Variants in SSC5D observed in about 807,000 individuals in gnomAD.
SSC5D encodes soluble scavenger receptor cysteine-rich domain-containing protein SSC5D.
SSC5D carries 106 observed loss-of-function variants against 104.6 expected under a neutral mutation model. That is an observed-to-expected ratio of 1.01 (90% confidence interval 0.87 to 1.19). The LOEUF (loss-of-function observed/expected upper bound fraction) is 1.19, where lower values mean the gene tolerates loss of function less well. Among genes scored for constraint, SSC5D ranks in the 50% most tolerant of loss-of-function variants. The pLI, the probability that SSC5D is intolerant of heterozygous loss-of-function variation, is 0.00. For missense variants in SSC5D, 1,993 were observed against 2,153.8 expected (o/e 0.93, Z 1.48); for synonymous variants, 860 against 883.5 (o/e 0.97, Z 0.47).
chr19:55,504,225 G>C (rs1403015855), intron 12 of SSC5D: 1 of 1,530,716 alleles, frequency 6.5e-7, no homozygotes, highest in Non-Finnish European at 8.7e-7. Context: ...GGCACGTGCC[G>C]GGCACAGCGG....
At chr19:55,497,796 G>A (rs1030945787) in intron 8 of SSC5D, 84 bp from the exon 9 acceptor site, 3 of 1,305,196 alleles carry the variant, frequency 2.3e-6, no homozygotes, top group African/African-American at 1.6e-5. Flanking sequence ...TGGAAAGGAA[G>A]ATGGGGGGAG....
rs1300261613 is a variant in SSC5D, at chr19:55,501,032, A to G, written c.2618-2A>G. 1 of 1,551,742 alleles carries G rather than the reference A, an allele frequency of 6.4e-7. No individual in the cohort carries two copies. The highest frequency in any genetic ancestry group is 1.4e-5 in the African/African-American group (1 of 73,000). ...TCAACCATTACCCCAATTTCTCCAAAGGCTACACAGACTATGACGATTATC... is the reference window on the plus strand; with the variant it reads ...TCAACCATTACCCCAATTTCTCCAAGGGCTACACAGACTATGACGATTATC... On this transcript the variant is annotated splice_acceptor_variant, in intron 11 of 13. Coordinates refer to ENST00000389623, the MANE Select transcript of SSC5D (RefSeq NM_001144950.2). LOFTEE classifies it high-confidence loss of function.
chr19:55,495,231 A>ATTTTTTT (rs1987285828), intron 8 of SSC5D, among the ~76,000 whole-genome samples: 2 of 25,968 alleles, frequency 7.7e-5, no homozygotes, highest in African/African-American at 1.5e-4. Flanking sequence ...ATATATATAT[A>ATTTTTTT]TATTTTTTTT....
Position 55,500,887 on chromosome 19 carries a change from T to C in SSC5D, c.2617+83T>C. On this transcript the variant is annotated intron_variant, in intron 11 of 13. Transcript: ENST00000389623. This position sits in a 1 kb window ranked among gnomAD's most constrained non-coding sequence, Gnocchi z 4.6. Reference sequence around the variant, plus strand: ...AGGGTGGGGCCAGGTGACGGCACCATGGTCGACTCTAAAGAACTGGGTATG... The same window carrying C: ...AGGGTGGGGCCAGGTGACGGCACCACGGTCGACTCTAAAGAACTGGGTATG... 2.0e-6 allele frequency: 3 copies of C among 1,489,336 alleles called. No individual in the cohort carries two copies. Among genetic ancestry groups the C allele is most frequent in the Non-Finnish European group, 2.7e-6 (3 of 1,108,920 alleles). 92.3% of individuals were successfully genotyped at this position (1,489,336 alleles called of 1,614,324 possible).
At position 55,497,914 on chromosome 19, in the gene SSC5D, C is replaced by G; in HGVS notation, c.1422C>G (p.Ser474Arg). The change falls in exon 9 of 14, where the codon AGC (serine) becomes AGG (arginine). Residue 474 changes from serine to arginine, a missense_variant. By Grantham distance (110) the Ser-to-Arg change is moderately radical. This residue lies in a region of SSC5D where 1,101 missense variants were observed against 1,085.0 expected (regional missense o/e 1.01). Transcript: ENST00000389623. ...SPQLRLVAGP[S>R]KCSGRLEVWH... ...AGCTGCGCCTGGTGGCTGGGCCCAG[C>G]AAGTGCTCAGGTCGACTGGAGGTGT... 6.5e-7 allele frequency: 1 copy of G among 1,547,536 alleles called. No homozygotes were observed. The highest frequency in any genetic ancestry group is 8.7e-7 in the Non-Finnish European group (1 of 1,143,640).
chr19:55,491,732 G>A (rs1323672104), intron 6 of SSC5D: 1 of 152,428 alleles, frequency 6.6e-6, no homozygotes, highest in African/African-American at 2.4e-5. Context: ...GCGGTTGGGG[G>A]GTGTTAGGTG....
intron 12 of SSC5D, among the ~76,000 whole-genome samples, chr19:55,511,210 G>A (rs1402276189): frequency 6.6e-6 from 1 of 152,224 alleles, no homozygotes; most frequent in African/African-American, 2.4e-5. Flanking sequence ...ACGAAGGCAT[G>A]ACGGAGGTGT....
At chr19:55,510,418 G>A (rs1452926601) in intron 12 of SSC5D, among the ~76,000 whole-genome samples, 1 of 151,916 alleles carries the variant, frequency 6.6e-6, no homozygotes, top group Non-Finnish European at 1.5e-5. Flanking sequence ...ACATGATCTT[G>A]GCTCACTGCA....
rs1478646048 is a variant in SSC5D at position 55,489,572 on chromosome 19, G to T, written c.271G>T (p.Gly91Cys). The T allele has an allele frequency of 2.0e-6, 3 of 1,512,858 alleles. No homozygotes were observed. The highest frequency in any genetic ancestry group is 2.6e-6 in the Non-Finnish European group (3 of 1,135,650). 93.7% of individuals were successfully genotyped at this position (1,512,858 alleles called of 1,614,324 possible). A position where few individuals can be genotyped will look rare whatever the true frequency, so the allele number is the denominator to read the frequency against. The change falls in exon 3 of 14, where the codon GGC (glycine) becomes TGC (cysteine). Residue 91 changes from glycine to cysteine, a missense_variant. Gly to Cys is a radical substitution (Grantham distance 159). This residue lies in a region of SSC5D where 1,101 missense variants were observed against 1,085.0 expected (regional missense o/e 1.01). Transcript: ENST00000389623. The part of the protein sequence containing the change: ...PVWLSELACR[G>C]NEGQLGLCHH... ...GTGGCTCAGCGAGCTGGCTTGCCGG[G>T]GCAACGAGGGGCAGCTGGGCCTCTG...
intron 13 of SSC5D, among the ~76,000 whole-genome samples, chr19:55,515,970 C>A (rs190421833): frequency 6.6e-6 from 1 of 152,054 alleles, no homozygotes; most frequent in Non-Finnish European, 1.5e-5. Context: ...TGACCTTGGG[C>A]GAGTCACCTG....
In SSC5D at chr19:55,497,894, C is replaced by T. The variant is rs781177522; in HGVS notation, c.1402C>T (p.Arg468Cys). 7 of 1,539,454 alleles carry T rather than the reference C, an allele frequency of 4.5e-6. No homozygotes were observed. Among genetic ancestry groups the T allele is most frequent in the East Asian group, 2.5e-5 (1 of 40,598 alleles). The change falls in exon 9 of 14, where the codon CGC becomes TGC. Residue 468 changes from arginine (R) to cysteine (C), a missense_variant. Coordinates refer to ENST00000389623, the MANE Select transcript of SSC5D (RefSeq NM_001144950.2). ...TTCTACCCCAGGGTCCCCCCAGCTGCGCCTGGTGGCTGGGCCCAGCAAGTG... is the reference window on the plus strand; with the variant it reads ...TTCTACCCCAGGGTCCCCCCAGCTGTGCCTGGTGGCTGGGCCCAGCAAGTG... The part of the protein sequence containing the change: ...PGPEAGSPQL[R>C]LVAGPSKCSG...
At chr19:55,488,721 C>T (rs1987024469) in intron 1 of SSC5D, 107 bp downstream of exon 1, 2 of 981,786 alleles carry the variant, frequency 2.0e-6, no homozygotes, top group African/African-American at 1.6e-5. Context: ...GTCGCTGGTG[C>T]TCCTGCATAC....
At chr19:55,497,521 C>T (rs1268948670) in intron 8 of SSC5D, among the ~76,000 whole-genome samples, 1 of 152,136 alleles carries the variant, frequency 6.6e-6, no homozygotes, top group Non-Finnish European at 1.5e-5. Flanking sequence ...TACTATTTGG[C>T]TACTGTGAAT....
Position 55,500,923 on chromosome 19 carries a change from G to A in SSC5D, c.2618-111G>A. 1.3e-6 allele frequency: 2 copies of A among 1,505,714 alleles called. No individual in the cohort carries two copies. Among genetic ancestry groups the A allele is most frequent in the Non-Finnish European group, 1.8e-6 (2 of 1,115,112 alleles). 93.3% of individuals were successfully genotyped at this position (1,505,714 alleles called of 1,614,324 possible). A position where few individuals can be genotyped will look rare whatever the true frequency, so the allele number is the denominator to read the frequency against. On this transcript the variant is annotated intron_variant, in intron 11 of 13. Coordinates refer to ENST00000389623, the MANE Select transcript of SSC5D (RefSeq NM_001144950.2). This position sits in a 1 kb window ranked among gnomAD's most constrained non-coding sequence, Gnocchi z 4.6. Reference sequence around the variant, plus strand: ...AAAGAACTGGGTATGAGGGGTCGGGGTGGGGAGATCCCAGAGTTGCTCCAG... The same window carrying A: ...AAAGAACTGGGTATGAGGGGTCGGGATGGGGAGATCCCAGAGTTGCTCCAG...
chr19:55,498,087 TA>T lies in SSC5D; in HGVS notation c.1596del (p.Asp533MetfsTer76). On this transcript the variant is annotated frameshift_variant, in exon 9 of 14. Coordinates refer to ENST00000389623, the MANE Select transcript of SSC5D (RefSeq NM_001144950.2). LOFTEE classifies it high-confidence loss of function. ...GGCTGGGGTGCGGGCCCCATCTGGC[TA>T]GATGATGTGGGCTGTGTGGGGACCG... ...RFGWGAGPIWLDDVGCVGTEA... is the reference protein window; with the variant it reads ...RFGWGAGPIWXDDVGCVGTEA... 6.4e-7 allele frequency: 1 copy of T among 1,551,630 alleles called. No individual in the cohort carries two copies.
At chr19:55,510,186 A>G (rs1261641276) in intron 12 of SSC5D, among the ~76,000 whole-genome samples, 1 of 151,812 alleles carries the variant, frequency 6.6e-6, no homozygotes, top group Non-Finnish European at 1.5e-5. Flanking sequence ...TTTAGTAGAG[A>G]CGGGGTTTCA....
chr19:55,500,234 G>A lies in SSC5D; in HGVS notation c.2124G>A (p.Arg708=). 6.4e-7 allele frequency: 1 copy of A among 1,551,200 alleles called. No homozygotes were observed. The highest frequency in any genetic ancestry group is 8.7e-7 in the Non-Finnish European group (1 of 1,146,922). Residue 708 remains arginine, a synonymous_variant, in exon 10 of 14, where the codon CGG becomes CGA. Transcript: ENST00000389623. The surrounding 1 kb of genome is among the most constrained non-coding windows in gnomAD (Gnocchi z 4.6). ...ATLTPQAPRE[R]TTKTMAMLTT... ...TGACCCCTCAGGCCCCCCGAGAACGGACCACTAAGACCATGGCAATGCTGA... is the reference window on the plus strand; with the variant it reads ...TGACCCCTCAGGCCCCCCGAGAACGAACCACTAAGACCATGGCAATGCTGA...
In SSC5D at chr19:55,496,468, G is replaced by A. The variant is rs115292042; in HGVS notation, c.1388-1412G>A. ...CATGATCACCATTCCCAGAGGTCTC[G>A]TTCCCCTTTTCCTGAATAATAATAT... On this transcript the variant is annotated intron_variant, in intron 8 of 13. Coordinates refer to ENST00000389623, the MANE Select transcript of SSC5D (RefSeq NM_001144950.2). Among the ~76,000 whole-genome samples the A allele has an allele frequency of 5.3e-3, 805 of 152,320 alleles. 6 individuals carry two copies. The highest frequency in any genetic ancestry group is 0.018 in the African/African-American group (763 of 41,562).
chr19:55,489,050 T>A lies in SSC5D; in HGVS notation c.52+18T>A. 7.2e-6 allele frequency: 10 copies of A among 1,382,816 alleles called. No individual in the cohort carries two copies. The highest frequency in any genetic ancestry group is 9.4e-6 in the Non-Finnish European group (10 of 1,066,004). The allele number at this position is 1,382,816 out of a possible 1,614,324, so 85.7% of individuals were successfully genotyped here. Reference sequence around the variant, plus strand: ...GGCTGTTGGTAAGTGCCCAGACTCCTCCCATCTGCCCGCCCCCCCCCCCAG... The same window carrying A: ...GGCTGTTGGTAAGTGCCCAGACTCCACCCATCTGCCCGCCCCCCCCCCCAG... On this transcript the variant is annotated intron_variant, in intron 2 of 13. Coordinates refer to ENST00000389623, the MANE Select transcript of SSC5D (RefSeq NM_001144950.2).
Sources: allele counts gnomAD v4.1 joint callset (sites outside exome capture counted in the v4.1 genomes callset), GRCh38; gene constraint gnomAD v4.1.1; regional missense constraint gnomAD v4.1.1; non-coding constraint Gnocchi (gnomAD v3.1); transcripts MANE v1.5; gene names NCBI Gene and HGNC (gene_info 2026-07-23, HGNC 2026-07-21).